MID1: variants seen among roughly 807,000 people sequenced by gnomAD.
MID1 encodes the protein midline 1.
MID1 carries 7 observed loss-of-function variants against 40.4 expected under a neutral mutation model. The observed-to-expected ratio is 0.17, with a 90% CI of 0.10 to 0.33. MID1 has a LOEUF of 0.33. Among genes scored for constraint, MID1 ranks in the 10% least tolerant of loss-of-function variants. The pLI, the probability that MID1 is intolerant of heterozygous loss-of-function variation, is 1.00. For missense variants in MID1, 367 were observed against 558.5 expected (o/e 0.66, Z 3.46); for synonymous variants, 229 against 221.2 (o/e 1.04, Z -0.31).
chrX:10,633,769 T>C (rs1245855218), intron 1 of MID1, among the ~76,000 whole-genome samples: 1 of 112,050 alleles, frequency 8.9e-6, no homozygotes, highest in Non-Finnish European at 1.9e-5. Flanking sequence ...CATGTAAATA[T>C]TGATTAAAAT....
At chrX:10,596,330 T>C (rs771372513) in intron 1 of MID1, among the ~76,000 whole-genome samples, 1 of 112,040 alleles carries the variant, frequency 8.9e-6, no homozygotes, top group African/African-American at 3.2e-5. Context: ...AAGTACTGTC[T>C]TTTTTCTTGT....
At chrX:10,656,429 G>A (rs2042873054) in intron 1 of MID1, among the ~76,000 whole-genome samples, 1 of 111,507 alleles carries the variant, frequency 9.0e-6, no homozygotes, top group Non-Finnish European at 1.9e-5. Flanking sequence ...CTTCCTGTTG[G>A]CTCTTTTCAA....
chrX:10,730,091 A>T (rs2043432788), intron 1 of MID1, among the ~76,000 whole-genome samples: 1 of 108,486 alleles, frequency 9.2e-6, no homozygotes, highest in Non-Finnish European at 1.9e-5. Context: ...CTCAAAAAAA[A>T]AAAAATAAAT....
chrX:10,523,085 T>TA lies in MID1; in HGVS notation c.756+6dup. 1 of 1,163,420 alleles carries TA rather than the reference T, an allele frequency of 8.6e-7. No individual in the cohort carries two copies. Among genetic ancestry groups the TA allele is most frequent in the South Asian group, 1.8e-5 (1 of 55,649 alleles). On this transcript the variant is annotated splice_region_variant and intron_variant, in intron 3 of 9. Transcript: ENST00000317552. ...AACATACCATACAGAAATACAGAGA[T>TA]ACTCACTTCAACATGTTGACAGGTT...
At chrX:10,780,079 C>A (rs2043834808) in intron 1 of MID1, among the ~76,000 whole-genome samples, 1 of 110,324 alleles carries the variant, frequency 9.1e-6, no homozygotes, top group Non-Finnish European at 1.9e-5. Flanking sequence ...GATTCTCCTG[C>A]CTCAGCCTCC....
chrX:10,763,757 G>A (rs1297888114), intron 1 of MID1, among the ~76,000 whole-genome samples: 2 of 111,703 alleles, frequency 1.8e-5, no homozygotes, highest in African/African-American at 6.5e-5. Context: ...TTCCACAATG[G>A]TTGAACTAGT....
At chrX:10,749,646 C>A (rs2043584951) in intron 1 of MID1, among the ~76,000 whole-genome samples, 1 of 111,912 alleles carries the variant, frequency 8.9e-6, no homozygotes, top group Non-Finnish European at 1.9e-5. Context: ...GTCTGTTCAG[C>A]CTCTTGAGTG....
chrX:10,574,997 T>C (rs1245102968), intron 1 of MID1, among the ~76,000 whole-genome samples: 5 of 112,496 alleles, frequency 4.4e-5, no homozygotes, highest in Non-Finnish European at 9.4e-5. Flanking sequence ...ACTGTTAAAA[T>C]TGCACGATGT....
intron 6 of MID1, among the ~76,000 whole-genome samples, chrX:10,473,856 T>C (rs1394037605): frequency 8.9e-6 from 1 of 112,106 alleles, no homozygotes; most frequent in African/African-American, 3.2e-5. Context: ...CAAAGAAAAG[T>C]TTAGAAGCAT....
At chrX:10,523,299 T>G in intron 2 of MID1, 112 bp from the exon 3 acceptor site, 1 of 541,841 alleles carries the variant, frequency 1.8e-6, no homozygotes, top group Non-Finnish European at 3.0e-6. Flanking sequence ...TCAGAAACCT[T>G]AGTGAAATCG....
chrX:10,825,194 C>A (rs2044206969), intron 1 of MID1, among the ~76,000 whole-genome samples: 1 of 111,753 alleles, frequency 8.9e-6, no homozygotes, highest in South Asian at 3.8e-4. Flanking sequence ...AGGAACAAGG[C>A]AAGAAGATAT....
At chrX:10,629,397 C>T (rs1291599375) in intron 1 of MID1, among the ~76,000 whole-genome samples, 3 of 109,983 alleles carry the variant, frequency 2.7e-5, no homozygotes, top group Non-Finnish European at 5.7e-5. Flanking sequence ...AACAGGGTCT[C>T]GCCATATTGG....
chrX:10,627,718 G>A (rs1408194430), intron 1 of MID1, among the ~76,000 whole-genome samples: 1 of 111,755 alleles, frequency 8.9e-6, no homozygotes, highest in Non-Finnish European at 1.9e-5. Context: ...ATTTAAATTA[G>A]TCTTAGAGAT....
chrX:10,627,084 G>C (rs771964383), intron 1 of MID1, among the ~76,000 whole-genome samples: 2 of 111,806 alleles, frequency 1.8e-5, no homozygotes, highest in South Asian at 7.5e-4. Context: ...TCATACATTT[G>C]TATGTTGAAC....
chrX:10,691,063 T>C (rs2043129055), intron 1 of MID1, among the ~76,000 whole-genome samples: 1 of 111,999 alleles, frequency 8.9e-6, no homozygotes, highest in Non-Finnish European at 1.9e-5. Flanking sequence ...GGCAGTCTTC[T>C]AATACAATAT....
At chrX:10,822,171 C>T (rs752458131) in intron 1 of MID1, among the ~76,000 whole-genome samples, 1 of 111,477 alleles carries the variant, frequency 9.0e-6, no homozygotes, top group Admixed American at 9.6e-5. Flanking sequence ...GAATAGAGAA[C>T]TCAGAAGTAA....
intron 1 of MID1, among the ~76,000 whole-genome samples, chrX:10,780,467 G>A (rs1040114565): frequency 8.9e-6 from 1 of 112,048 alleles, no homozygotes; most frequent in Non-Finnish European, 1.9e-5. Context: ...GATTGTATTT[G>A]TATACACTGC....
intron 1 of MID1, among the ~76,000 whole-genome samples, chrX:10,574,212 TGG>T (rs1057250992): frequency 1.8e-5 from 2 of 111,456 alleles, no homozygotes; most frequent in Admixed American, 1.9e-4. Context: ...TCTTTAAACG[TGG>T]AAGTGGCAGG....
chrX:10,775,348 A>G (rs948049721), intron 1 of MID1, among the ~76,000 whole-genome samples: 10 of 111,101 alleles, frequency 9.0e-5, no homozygotes, highest in Non-Finnish European at 1.9e-4. Context: ...GATTGGAAAG[A>G]AGGAGGAAGA....
Sources: allele counts gnomAD v4.1 joint callset (sites outside exome capture counted in the v4.1 genomes callset), GRCh38; gene constraint gnomAD v4.1.1; transcripts MANE v1.5; gene names NCBI Gene and HGNC (gene_info 2026-07-23, HGNC 2026-07-21).